Variants in SF3B4 observed in about 807,000 individuals in gnomAD.
SF3B4 encodes SAP 49.
SF3B4 carries 3 observed loss-of-function variants against 34.3 expected under a neutral mutation model. The ratio of observed to expected loss-of-function variants is 0.09; its 90% CI spans 0.04 to 0.23. SF3B4 has a LOEUF of 0.23. Ranked by LOEUF, SF3B4 falls within the 10% of genes least tolerant of loss-of-function variation. The probability of loss-of-function intolerance (pLI) is 1.00; values close to 1 mark genes in which losing one functional copy is unlikely to be tolerated. For missense variants in SF3B4, 283 were observed against 567.2 expected, an observed-to-expected ratio of 0.50 and a Z score of 5.09; for synonymous variants, 216 against 207.8, an observed-to-expected ratio of 1.04 and a Z score of -0.34.
chr1:149,927,527 C>T, intron 1 of SF3B4, 199 bp downstream of exon 1: 1 of 742,018 alleles, frequency 1.3e-6, no homozygotes, highest in Non-Finnish European at 2.2e-6. Context: ...GAGAAGTCAG[C>T]AGGGGACCGG....
Position 149,923,908 on chromosome 1 carries a change from T to G in SF3B4, c.1020A>C (p.Gly340=), listed in dbSNP as rs1204240166. The G allele has an allele frequency of 2.5e-6, 4 of 1,604,294 alleles. No individual in the cohort carries two copies. The African/African-American group carries it at 5.4e-5, about 22-fold the overall frequency. The change falls in exon 5 of 6, where the codon GGA becomes GGC. Residue 340 remains glycine (G), a synonymous_variant. Coordinates refer to ENST00000271628, the MANE Select transcript of SF3B4 (RefSeq NM_005850.5). The part of the protein sequence containing the change: ...GGQPPPRPPP[G]MPHPGPPPMG... ...TTGGAGGAGGTCCAGGATGAGGCAT[T>G]CCAGGTGGTGGTCGGGGCGGTGGCT...
At chr1:149,927,536 G>A in intron 1 of SF3B4, 190 bp downstream of exon 1, 1 of 761,104 alleles carries the variant, frequency 1.3e-6, no homozygotes, top group Non-Finnish European at 2.1e-6. Flanking sequence ...GCAGGGGACC[G>A]GACTTAAGTA....
chr1:149,925,784 CAG>C, intron 4 of SF3B4, 50 bp downstream of exon 4: 1 of 1,386,694 alleles, frequency 7.2e-7, no homozygotes, highest in Non-Finnish European at 1.0e-6. Flanking sequence ...TGAGTGGTAA[CAG>C]AGATGCTCTA....
At chr1:149,927,646 C>G in intron 1 of SF3B4, 80 bp downstream of exon 1, 1 of 1,504,470 alleles carries the variant, frequency 6.6e-7, no homozygotes, top group Non-Finnish European at 9.0e-7. Flanking sequence ...CAGTCTCCCA[C>G]CCCTGCAGAG....
In SF3B4 at chr1:149,923,675, G is replaced by A. The variant is rs782128817; in HGVS notation, c.1142C>T (p.Pro381Leu). 2 of 1,526,340 alleles carry A rather than the reference G, an allele frequency of 1.3e-6. No homozygotes were observed. The highest frequency in any genetic ancestry group is 1.7e-6 in the Non-Finnish European group (2 of 1,148,186). The allele number at this position is 1,526,340 out of a possible 1,614,324, so 94.5% of individuals were successfully genotyped here. The change falls in exon 6 of 6, where the codon CCC becomes CTC. Residue 381 changes from proline (P) to leucine (L), a missense_variant. Physicochemically the swap from Pro to Leu is moderately conservative, Grantham distance 98. Coordinates refer to ENST00000271628, the MANE Select transcript of SF3B4 (RefSeq NM_005850.5). ...HGMRGPPPLM[P>L]PHGYTGPPRP... is the part of the protein sequence containing the mutation. ...TGGAGGGCCAGTGTATCCATGGGGG[G>A]GCATCAGTGGAGGAGGTCCACGCAT...
At chr1:149,925,802 C>T (rs782291710) in intron 4 of SF3B4, 34 bp downstream of exon 4, 1 of 1,542,000 alleles carries the variant, frequency 6.5e-7, no homozygotes, top group South Asian at 1.1e-5. Flanking sequence ...CTCTACCAAG[C>T]TCTTCCCTCC....
At position 149,926,806 on chromosome 1, in the gene SF3B4, G is replaced by A. The variant is rs1553766076; in HGVS notation, c.276C>T (p.His92=). Residue 92 remains histidine, a synonymous_variant, in exon 3 of 6, where the codon CAC becomes CAT. Coordinates refer to ENST00000271628, the MANE Select transcript of SF3B4 (RefSeq NM_005850.5). The surrounding 1 kb of genome is among the most constrained non-coding windows in gnomAD (Gnocchi z 6.2). Reference sequence around the variant, plus strand: ...TGGCCCCTACATCCAGGTTTTTGTTGTGAGCTGATGCTTTGTTCACCCGTA... The same window carrying A: ...TGGCCCCTACATCCAGGTTTTTGTTATGAGCTGATGCTTTGTTCACCCGTA... ...KPIRVNKASA[H]NKNLDVGANI... The A allele has an allele frequency of 6.2e-7, 1 of 1,614,078 alleles. No homozygotes were observed. Among genetic ancestry groups the A allele is most frequent in the South Asian group, 1.1e-5 (1 of 91,066 alleles).
Position 149,926,499 on chromosome 1 carries a change from G to C in SF3B4, c.583C>G (p.Leu195Val). 6.2e-7 allele frequency: 1 copy of C among 1,614,226 alleles called. No homozygotes were observed. The highest frequency in any genetic ancestry group is 8.5e-7 in the Non-Finnish European group (1 of 1,180,046). ...TGGGAGAGCGGGTTCTGAGCTGCCA[G>C]AAGTCGTTCGGCTGCTGAGCCATGG... ...ERHGSAAERL[L>V]AAQNPLSQAD... Residue 195 changes from leucine to valine, a missense_variant, in exon 3 of 6, where the codon CTG becomes GTG. Around this residue, in one of 4 missense-constraint regions of SF3B4, gnomAD observed 35 missense variants for 111.9 expected, o/e 0.31. Coordinates refer to ENST00000271628, the MANE Select transcript of SF3B4 (RefSeq NM_005850.5). This position sits in a 1 kb window ranked among gnomAD's most constrained non-coding sequence, Gnocchi z 6.2.
In SF3B4 at chr1:149,926,011, TG is replaced by T; in HGVS notation, c.737del (p.Pro246GlnfsTer74). The T allele has an allele frequency of 1.3e-6, 2 of 1,500,022 alleles. No individual in the cohort carries two copies. Among genetic ancestry groups the T allele is most frequent in the Non-Finnish European group, 8.9e-7 (1 of 1,121,110 alleles). 92.9% of individuals were successfully genotyped at this position (1,500,022 alleles called of 1,614,324 possible). A position where few individuals can be genotyped will look rare whatever the true frequency, so the allele number is the denominator to read the frequency against. ...GTGGGAGGGCTCCAGGAGGTGGCAC[TG>T]GGGGTGGGAAGGAGCCAGGAGGAGG... ...GMPPPGSFPP[P>X]VPPPGALPPG... On this transcript the variant is annotated frameshift_variant, in exon 4 of 6. Transcript: ENST00000271628. LOFTEE classifies it high-confidence loss of function. The surrounding 1 kb of genome is among the most constrained non-coding windows in gnomAD (Gnocchi z 6.2).
chr1:149,925,485 G>A (rs1227326153), intron 4 of SF3B4, among the ~76,000 whole-genome samples: 1 of 151,976 alleles, frequency 6.6e-6, no homozygotes, highest in African/African-American at 2.4e-5. Flanking sequence ...TTTCAAACAG[G>A]AGGACACAAC....
intron 4 of SF3B4, 92 bp downstream of exon 4, chr1:149,925,744 G>T: frequency 2.1e-6 from 2 of 937,686 alleles, no homozygotes; most frequent in Non-Finnish European, 3.5e-6. Flanking sequence ...CTCTGAAACT[G>T]TTACTGTTGA....
At position 149,926,257 on chromosome 1, in the gene SF3B4, C is replaced by T; in HGVS notation, c.706+119G>A. On this transcript the variant is annotated intron_variant, in intron 3 of 5. Transcript: ENST00000271628. The surrounding 1 kb of genome is among the most constrained non-coding windows in gnomAD (Gnocchi z 6.2). ...TTCACCACTACCATCACCCCTCAGT[C>T]CTCTTCCCATCAACTCACTGACTCA... The T allele has an allele frequency of 1.1e-6, 1 of 926,508 alleles. No homozygotes were observed. The allele number at this position is 926,508 out of a possible 1,614,324, so 57.4% of individuals were successfully genotyped here. A position where few individuals can be genotyped will look rare whatever the true frequency, so the allele number is the denominator to read the frequency against.
chr1:149,926,665 G>A lies in SF3B4; in HGVS notation c.417C>T (p.Gly139=). Residue 139 remains glycine (G), a synonymous_variant, in exon 3 of 6, where the codon GGC becomes GGT. Transcript: ENST00000271628. The surrounding 1 kb of genome is among the most constrained non-coding windows in gnomAD (Gnocchi z 6.2). ...TPKIMRDPDT[G]NSKGYAFINF... ...TAATAAAGGCATAACCTTTGGAGTT[G>A]CCTGTGTCAGGGTCCCGCATAATTT... The A allele has an allele frequency of 6.2e-7, 1 of 1,614,182 alleles. No homozygotes were observed. The highest frequency in any genetic ancestry group is 8.5e-7 in the Non-Finnish European group (1 of 1,179,998).
At chr1:149,927,099 A>G in intron 2 of SF3B4, 67 bp downstream of exon 2, 1 of 1,582,870 alleles carries the variant, frequency 6.3e-7, no homozygotes, top group Non-Finnish European at 8.6e-7. Flanking sequence ...TGCTCATGTT[A>G]TTCCAAAACA....
In SF3B4 at chr1:149,927,258, A is replaced by G. The variant is rs782819179; in HGVS notation, c.71T>C (p.Val24Ala). The change falls in exon 2 of 6, where the codon GTT becomes GCT. Residue 24 changes from valine to alanine, a missense_variant. Coordinates refer to ENST00000271628, the MANE Select transcript of SF3B4 (RefSeq NM_005850.5). The part of the protein sequence containing the change: ...TVYVGGLDEK[V>A]SEPLLWELFL... The stretch of plus-strand genomic sequence containing the variant: ...CAGTTCCCACAGCAGCGGTTCACTA[A>G]CCTTCTCATCCAGGCCCCCCACGTA... 5.0e-6 allele frequency: 8 copies of G among 1,613,952 alleles called. No individual in the cohort carries two copies. Among genetic ancestry groups the G allele is most frequent in the African/African-American group, 1.3e-5 (1 of 74,984 alleles).
In SF3B4 at chr1:149,923,671, G is replaced by T; in HGVS notation, c.1146C>A (p.Pro382=). ...GTCGTGGAGGGCCAGTGTATCCATG[G>T]GGGGGCATCAGTGGAGGAGGTCCAC... ...GMRGPPPLMP[P]HGYTGPPRPP... Residue 382 remains proline (P), a synonymous_variant, in exon 6 of 6, where the codon CCC becomes CCA. Coordinates refer to ENST00000271628, the MANE Select transcript of SF3B4 (RefSeq NM_005850.5). The T allele has an allele frequency of 1.3e-6, 2 of 1,528,502 alleles. No individual in the cohort carries two copies. The highest frequency in any genetic ancestry group is 1.3e-5 in the South Asian group (1 of 77,016). The allele number at this position is 1,528,502 out of a possible 1,614,324, so 94.7% of individuals were successfully genotyped here. A position where few individuals can be genotyped will look rare whatever the true frequency, so the allele number is the denominator to read the frequency against.
chr1:149,926,942 T>G lies in SF3B4; in HGVS notation c.164-24A>C. 2 of 1,575,492 alleles carry G rather than the reference T, an allele frequency of 1.3e-6. No individual in the cohort carries two copies. The highest frequency in any genetic ancestry group is 1.7e-6 in the Non-Finnish European group (2 of 1,162,512). The stretch of plus-strand genomic sequence containing the variant: ...GCCTGGAAAAGTGGAGAAGAGGAGG[T>G]TAACAACGTAAGTAAAGAGACTGAA... On this transcript the variant is annotated intron_variant, in intron 2 of 5. Coordinates refer to ENST00000271628, the MANE Select transcript of SF3B4 (RefSeq NM_005850.5). The surrounding 1 kb of genome is among the most constrained non-coding windows in gnomAD (Gnocchi z 6.2).
chr1:149,926,050 G>T lies in SF3B4; in HGVS notation c.707-8C>A, dbSNP rs371485646. On this transcript the variant is annotated splice_polypyrimidine_tract_variant and splice_region_variant and intron_variant, in intron 3 of 5. Transcript: ENST00000271628. The surrounding 1 kb of genome is among the most constrained non-coding windows in gnomAD (Gnocchi z 6.2). ...AGCCAGGAGGAGGCATGCCTATAGA[G>T]GAAATGGAAAAAGGAAGAGTTAATG... 1.4e-6 allele frequency: 2 copies of T among 1,419,322 alleles called. No individual in the cohort carries two copies. The highest frequency in any genetic ancestry group is 4.8e-5 in the Admixed American group (2 of 41,902). The allele number at this position is 1,419,322 out of a possible 1,614,324, so 87.9% of individuals were successfully genotyped here. A position where few individuals can be genotyped will look rare whatever the true frequency, so the allele number is the denominator to read the frequency against.
Position 149,925,829 on chromosome 1 carries a change from C to G in SF3B4, c.913+7G>C. ...CTTCCCTCCCTTTCCCAACAAAGCA[C>G]ACCTACCTGGATGGGGCATCCCACC... On this transcript the variant is annotated splice_region_variant and intron_variant, in intron 4 of 5. Transcript: ENST00000271628. The G allele has an allele frequency of 6.2e-7, 1 of 1,611,516 alleles. No individual in the cohort carries two copies. Among genetic ancestry groups the G allele is most frequent in the Admixed American group, 1.7e-5 (1 of 60,012 alleles).
Sources: gnomAD v4.1 joint callset for allele counts (sites outside exome capture counted in the v4.1 genomes callset) on GRCh38, gnomAD v4.1.1 for gene constraint, gnomAD v4.1.1 regional missense constraint, Gnocchi (gnomAD v3.1) non-coding constraint, MANE v1.5 for transcripts, NCBI Gene and HGNC (gene_info 2026-07-23, HGNC 2026-07-21) for gene names.